Variants in INTS9 observed in about 807,000 individuals in gnomAD.
INTS9 encodes the protein integrator complex subunit 9.
A neutral mutation model predicts 79.7 loss-of-function variants in INTS9; 55 were observed. The ratio of observed to expected loss-of-function variants is 0.69; its 90% confidence interval spans 0.56 to 0.86. The LOEUF (loss-of-function observed/expected upper bound fraction) is 0.86. INTS9 is among the 40% of genes least tolerant of loss of function. The pLI is 0.00. For missense variants in INTS9, 721 were observed against 831.5 expected (o/e 0.87, Z 1.64); for synonymous variants, 319 against 325.2 (o/e 0.98, Z 0.20).
At position 28,884,168 on chromosome 8, in the gene INTS9, C is replaced by CT. The variant is rs35799882; in HGVS notation, c.9+5705dup. On this transcript the variant is annotated intron_variant, in intron 1 of 16. Coordinates refer to ENST00000521022, the MANE Select transcript of INTS9 (RefSeq NM_018250.4). The stretch of plus-strand genomic sequence containing the variant: ...TACCAAAAGTCTGTCATCAGTGTAT[C>CT]TTTTTTTTTTTTTTTTTTTTTTTTT... Among the ~76,000 whole-genome samples the CT allele has an allele frequency of 6.0e-3, 284 of 46,982 alleles. 58 individuals are homozygous for CT. The highest frequency in any genetic ancestry group is 8.0e-3 in the Non-Finnish European group (220 of 27,366). 30.8% of individuals were successfully genotyped at this position (46,982 alleles called of 152,430 possible). A position where few individuals can be genotyped will look rare whatever the true frequency, so the allele number is the denominator to read the frequency against.
intron 8 of INTS9, among the ~76,000 whole-genome samples, chr8:28,802,463 C>G (rs1272579311): frequency 6.6e-6 from 1 of 152,170 alleles, no homozygotes; most frequent in African/African-American, 2.4e-5. Flanking sequence ...ACCTTAGAAA[C>G]CAGAGAACCA....
intron 15 of INTS9, among the ~76,000 whole-genome samples, chr8:28,770,528 T>TG (rs1802469943): frequency 6.6e-6 from 1 of 152,180 alleles, no homozygotes; most frequent in East Asian, 1.9e-4. Flanking sequence ...CTAATAGACT[T>TG]TAAGTGGTAG....
chr8:28,769,076 G>C (rs1585314743), intron 16 of INTS9, among the ~76,000 whole-genome samples: 1 of 152,196 alleles, frequency 6.6e-6, no homozygotes, highest in South Asian at 2.1e-4. Flanking sequence ...AGGGAGGGTG[G>C]AAGAGAGCCG....
chr8:28,849,463 A>G (rs1012604875), intron 3 of INTS9, among the ~76,000 whole-genome samples: 1 of 152,100 alleles, frequency 6.6e-6, no homozygotes, highest in African/African-American at 2.4e-5. Flanking sequence ...AAGTCATAAT[A>G]AGACTCCATA....
intron 6 of INTS9, among the ~76,000 whole-genome samples, chr8:28,815,250 A>AT (rs1805401708): frequency 6.6e-6 from 1 of 152,220 alleles, no homozygotes; most frequent in Admixed American, 6.5e-5. Context: ...ATACAATGTC[A>AT]TATAGAGAGT....
intron 1 of INTS9, among the ~76,000 whole-genome samples, chr8:28,881,471 G>C (rs1809798948): frequency 8.3e-6 from 1 of 120,874 alleles, no homozygotes; most frequent in Non-Finnish European, 1.8e-5. Context: ...CGTCCGGGAG[G>C]GGGGAGGGGG....
chr8:28,870,822 C>T (rs6558082), intron 1 of INTS9, among the ~76,000 whole-genome samples: 57 of 152,242 alleles, frequency 3.7e-4, no homozygotes, highest in African/African-American at 1.3e-3. Flanking sequence ...TGGTATAATA[C>T]GTTTCAGCAA....
chr8:28,889,072 G>T (rs1233599970), intron 1 of INTS9, among the ~76,000 whole-genome samples: 1 of 152,088 alleles, frequency 6.6e-6, no homozygotes, highest in African/African-American at 2.4e-5. Flanking sequence ...TTAAAAGGTT[G>T]AGAAACAGTG....
intron 1 of INTS9, among the ~76,000 whole-genome samples, chr8:28,871,584 T>C (rs1019365214): frequency 6.6e-6 from 1 of 152,034 alleles, no homozygotes; most frequent in Non-Finnish European, 1.5e-5. Context: ...TTTGTATTTT[T>C]TTGTGGAGAT....
chr8:28,807,920 T>A (rs990967041), intron 8 of INTS9, among the ~76,000 whole-genome samples: 1 of 152,200 alleles, frequency 6.6e-6, no homozygotes, highest in African/African-American at 2.4e-5. Flanking sequence ...GAGAAAACTG[T>A]TACTTCTTTG....
intron 1 of INTS9, among the ~76,000 whole-genome samples, chr8:28,869,558 G>A (rs932135208): frequency 1.3e-5 from 2 of 152,200 alleles, no homozygotes; most frequent in African/African-American, 4.8e-5. Flanking sequence ...GGCTTCCACT[G>A]AGCCAAATTT....
At chr8:28,825,502 C>T (rs548094842) in intron 6 of INTS9, among the ~76,000 whole-genome samples, 122 of 152,216 alleles carry the variant, frequency 8.0e-4, no homozygotes, top group Non-Finnish European at 1.0e-3. Context: ...ACTGCCATTA[C>T]CCAGAACACC....
intron 1 of INTS9, among the ~76,000 whole-genome samples, chr8:28,886,477 T>A (rs1368367976): frequency 6.6e-6 from 1 of 152,120 alleles, no homozygotes; most frequent in Admixed American, 6.6e-5. Context: ...GAACTCCTGA[T>A]CTCAAGCCAT....
intron 6 of INTS9, among the ~76,000 whole-genome samples, chr8:28,817,709 G>C (rs1805578930): frequency 1.4e-5 from 2 of 146,204 alleles, no homozygotes; most frequent in Non-Finnish European, 3.0e-5. Flanking sequence ...TTGGTAGCTT[G>C]ATGGGGATGG....
At chr8:28,866,061 C>T (rs1241992925) in intron 1 of INTS9, among the ~76,000 whole-genome samples, 1 of 152,038 alleles carries the variant, frequency 6.6e-6, no homozygotes, top group Non-Finnish European at 1.5e-5. Context: ...GGGTTAAATA[C>T]TGAAATTTTC....
In INTS9 at chr8:28,846,791, C is replaced by A; in HGVS notation, c.217G>T (p.Gly73Cys). ...GGCACAGAATCCACAAATACATGACCCGAGCACTCCTTTAGCTCCTAAAAG... is the reference window on the plus strand; with the variant it reads ...GGCACAGAATCCACAAATACATGACACGAGCACTCCTTTAGCTCCTAAAAG... ...FLDKELKECS[G>C]HVFVDSVPEF... is the part of the protein sequence containing the mutation. The change falls in exon 4 of 17, where the codon GGT becomes TGT. Residue 73 changes from glycine to cysteine, a missense_variant. Transcript: ENST00000521022. 6.2e-7 allele frequency: 1 copy of A among 1,613,422 alleles called. No individual in the cohort carries two copies. Among genetic ancestry groups the A allele is most frequent in the Non-Finnish European group, 8.5e-7 (1 of 1,179,432 alleles).
intron 15 of INTS9, among the ~76,000 whole-genome samples, 160 bp from the exon 16 acceptor site, chr8:28,770,186 G>A (rs1031562373): frequency 6.6e-6 from 1 of 152,258 alleles, no homozygotes; most frequent in Non-Finnish European, 1.5e-5. Context: ...TGGCTGCCGG[G>A]AGCCCCAGAT....
chr8:28,866,189 T>G (rs962186055), intron 1 of INTS9, among the ~76,000 whole-genome samples: 8 of 152,180 alleles, frequency 5.3e-5, no homozygotes, highest in African/African-American at 1.9e-4. Flanking sequence ...TTTCACATAT[T>G]AAGAGTCTCC....
At chr8:28,845,769 T>G (rs1384286437) in intron 4 of INTS9, among the ~76,000 whole-genome samples, 1 of 152,230 alleles carries the variant, frequency 6.6e-6, no homozygotes, top group Non-Finnish European at 1.5e-5. Flanking sequence ...CTTTCAGCTT[T>G]ACGCTTACTA....
Sources: allele counts gnomAD v4.1 joint callset (sites outside exome capture counted in the v4.1 genomes callset), GRCh38; gene constraint gnomAD v4.1.1; transcripts MANE v1.5; gene names NCBI Gene and HGNC (gene_info 2026-07-23, HGNC 2026-07-21).